Variants in DYNC1H1 observed in about 807,000 individuals in gnomAD.
DYNC1H1 encodes cytoplasmic dynein 1 heavy chain 1.
In DYNC1H1, 51 loss-of-function variants were observed where a neutral mutation model predicts 527.1. That is an observed-to-expected ratio of 0.10 (90% CI 0.08 to 0.12). The LOEUF (loss-of-function observed/expected upper bound fraction) is 0.12, where lower values mean the gene tolerates loss of function less well. DYNC1H1 is among the 10% of genes least tolerant of loss of function. The probability of loss-of-function intolerance (pLI) is 1.00; values close to 1 mark genes in which losing one functional copy is unlikely to be tolerated. For synonymous variants in DYNC1H1, 2,189 were observed against 2,278.8 expected (o/e 0.96, Z 1.12); for missense variants, 2,771 against 5,971.8 (o/e 0.46, Z 17.66).
chr14:101,980,579 G>C (rs1283130519), intron 5 of DYNC1H1, 29 bp downstream of exon 5: 6 of 1,608,634 alleles, frequency 3.7e-6, no homozygotes, highest in Non-Finnish European at 4.3e-6. Context: ...AATCTGATCA[G>C]TAAGTTATTG....
At position 101,964,968 on chromosome 14, in the gene DYNC1H1, G is replaced by C; in HGVS notation, c.256+21G>C. On this transcript the variant is annotated intron_variant, in intron 1 of 77. Coordinates refer to ENST00000360184, the MANE Select transcript of DYNC1H1 (RefSeq NM_001376.5). The surrounding 1 kb of genome is among the most constrained non-coding windows in gnomAD (Gnocchi z 5.5). ...CAAAGGTGCGGGGCCGCGGAGGGCA[G>C]GGTCGCCAGAGCCAGGCCTCGCGGA... is the stretch of plus-strand genomic sequence containing the variant. The C allele has an allele frequency of 6.3e-7, 1 of 1,581,644 alleles. No homozygotes were observed.
chr14:102,020,071 G>A lies in DYNC1H1; in HGVS notation c.8507+15G>A. 1 of 1,613,724 alleles carries A rather than the reference G, an allele frequency of 6.2e-7. No individual in the cohort carries two copies. Among genetic ancestry groups the A allele is most frequent in the Non-Finnish European group, 8.5e-7 (1 of 1,179,850 alleles). The stretch of plus-strand genomic sequence containing the variant: ...TTCCAAGATAGGTAAGGGAAGCCGA[G>A]GATCCAGTTGGTCCCATTCTCCCCT... On this transcript the variant is annotated intron_variant, in intron 42 of 77. Transcript: ENST00000360184. The surrounding 1 kb of genome is among the most constrained non-coding windows in gnomAD (Gnocchi z 4.3).
rs1461315421 is a variant in DYNC1H1 at position 101,965,410 on chromosome 14, C to T, written c.256+463C>T. Among the ~76,000 whole-genome samples the T allele has an allele frequency of 2.6e-5, 4 of 152,180 alleles. No homozygotes were observed. Among genetic ancestry groups the T allele is most frequent in the Non-Finnish European group, 4.4e-5 (3 of 68,024 alleles). On this transcript the variant is annotated intron_variant, in intron 1 of 77. Coordinates refer to ENST00000360184, the MANE Select transcript of DYNC1H1 (RefSeq NM_001376.5). The surrounding 1 kb of genome is among the most constrained non-coding windows in gnomAD (Gnocchi z 4.1). ...TTCGATTTGTGTCCAAGCCAAGTGG[C>T]CTTCGGGAGGGATGTGTCGGGGGCA...
In DYNC1H1 at chr14:102,010,757, C is replaced by A; in HGVS notation, c.6423C>A (p.Val2141=). ...LPEQEILIQS[V]CETMVPKLVA... is the part of the protein sequence containing the mutation. ...CCCCGTAGATTCTGATACAGAGCGT[C>A]TGTGAGACGATGGTGCCAAAGCTGG... is the stretch of plus-strand genomic sequence containing the variant. Residue 2141 remains valine, a synonymous_variant, in exon 32 of 78, where the codon GTC becomes GTA. Coordinates refer to ENST00000360184, the MANE Select transcript of DYNC1H1 (RefSeq NM_001376.5). The surrounding 1 kb of genome is among the most constrained non-coding windows in gnomAD (Gnocchi z 6.0). The A allele has an allele frequency of 1.2e-6, 2 of 1,613,024 alleles. No homozygotes were observed. The highest frequency in any genetic ancestry group is 4.5e-5 in the East Asian group (2 of 44,886).
chr14:101,968,990 A>G (rs2047698407), intron 1 of DYNC1H1, among the ~76,000 whole-genome samples: 1 of 151,948 alleles, frequency 6.6e-6, no homozygotes, highest in Non-Finnish European at 1.5e-5. Flanking sequence ...AAATTGTACT[A>G]TTGGCTTCTG....
intron 23 of DYNC1H1, among the ~76,000 whole-genome samples, chr14:102,003,312 G>T (rs2048152999): frequency 6.6e-6 from 1 of 150,818 alleles, no homozygotes; most frequent in Admixed American, 6.6e-5. Flanking sequence ...GCCCAGGCTG[G>T]AGCACGTGGT....
rs1195175702 is a variant in DYNC1H1 at position 102,049,648 on chromosome 14, T to C, written c.13515+66T>C. 6.2e-7 allele frequency: 1 copy of C among 1,613,242 alleles called. No homozygotes were observed. The highest frequency in any genetic ancestry group is 8.5e-7 in the Non-Finnish European group (1 of 1,179,996). On this transcript the variant is annotated intron_variant, in intron 75 of 77. Transcript: ENST00000360184. This position sits in a 1 kb window ranked among gnomAD's most constrained non-coding sequence, Gnocchi z 5.5. ...TCCTGGGCTGGGGTGGGAGTGGCTCTGGGGAAAAACACAGGGCCCAGGTCT... is the reference window on the plus strand; with the variant it reads ...TCCTGGGCTGGGGTGGGAGTGGCTCCGGGGAAAAACACAGGGCCCAGGTCT...
intron 1 of DYNC1H1, among the ~76,000 whole-genome samples, chr14:101,968,572 AT>A (rs955186816): frequency 4.7e-5 from 7 of 148,064 alleles, no homozygotes; most frequent in African/African-American, 1.5e-4. Flanking sequence ...GAGACTTGGA[AT>A]TTTTTTTTTG....
In DYNC1H1 at chr14:102,042,356, C is replaced by G. The variant is rs2048662282; in HGVS notation, c.12276-28C>G. The stretch of plus-strand genomic sequence containing the variant: ...GCATTCAGGCAGGCAGCCTGGCATG[C>G]TGTGTGACTCTCACTTTGTGTGTGC... On this transcript the variant is annotated intron_variant, in intron 67 of 77. Transcript: ENST00000360184. The surrounding 1 kb of genome is among the most constrained non-coding windows in gnomAD (Gnocchi z 5.7). The G allele has an allele frequency of 6.2e-7, 1 of 1,614,074 alleles. No homozygotes were observed. Among genetic ancestry groups the G allele is most frequent in the African/African-American group, 1.3e-5 (1 of 74,936 alleles).
intron 5 of DYNC1H1, among the ~76,000 whole-genome samples, chr14:101,982,067 C>T (rs2141271471): frequency 6.6e-6 from 1 of 152,332 alleles, no homozygotes; most frequent in East Asian, 1.9e-4. Flanking sequence ...GCATTACTGC[C>T]TGAGCTCTGC....
chr14:101,980,279 G>A (rs2047848295), intron 4 of DYNC1H1, 85 bp from the exon 5 acceptor site: 1 of 1,500,780 alleles, frequency 6.7e-7, no homozygotes, highest in South Asian at 1.1e-5. Context: ...TAAAAATTGA[G>A]TTGTAATGCA....
At chr14:101,969,010 C>G (rs185884258) in intron 1 of DYNC1H1, among the ~76,000 whole-genome samples, 1 of 152,140 alleles carries the variant, frequency 6.6e-6, no homozygotes, top group East Asian at 1.9e-4. Context: ...GCAAGACCTT[C>G]TTTCTTTCTT....
chr14:101,965,366 G>A lies in DYNC1H1; in HGVS notation c.256+419G>A, dbSNP rs897272668. 6.6e-6 allele frequency among the ~76,000 whole-genome samples: 1 copy of A among 152,184 alleles called. No individual in the cohort carries two copies. The highest frequency in any genetic ancestry group is 2.4e-5 in the African/African-American group (1 of 41,474). ...GCGAGGCCGCATCCCTGCCTCCAGT[G>A]TCACATGAGCTTTTCGGTTTCGATT... On this transcript the variant is annotated intron_variant, in intron 1 of 77. Transcript: ENST00000360184. The surrounding 1 kb of genome is among the most constrained non-coding windows in gnomAD (Gnocchi z 4.1).
rs1318022002 is a variant in DYNC1H1 at position 101,979,405 on chromosome 14, C to T, written c.431C>T (p.Ser144Leu). 1.2e-6 allele frequency: 2 copies of T among 1,614,190 alleles called. No individual in the cohort carries two copies. Among genetic ancestry groups the T allele is most frequent in the Non-Finnish European group, 1.7e-6 (2 of 1,180,020 alleles). ...CGGGTCCTTACACTCAGTGAAGACT[C>T]GCCCTACGAAACTTTGCATTCTTTC... The part of the protein sequence containing the change: ...QLRVLTLSED[S>L]PYETLHSFIS... The change falls in exon 3 of 78, where the codon TCG becomes TTG. Residue 144 changes from serine (S) to leucine (L), a missense_variant. This residue lies in a region of DYNC1H1 where 146 missense variants were observed against 288.1 expected (regional missense o/e 0.51). Transcript: ENST00000360184. This position sits in a 1 kb window ranked among gnomAD's most constrained non-coding sequence, Gnocchi z 4.6.
chr14:102,033,981 C>T lies in DYNC1H1; in HGVS notation c.10419C>T (p.Asn3473=), dbSNP rs1172317626. Residue 3473 remains asparagine, a synonymous_variant, in exon 55 of 78, where the codon AAC becomes AAT. Transcript: ENST00000360184. The surrounding 1 kb of genome is among the most constrained non-coding windows in gnomAD (Gnocchi z 5.6). ...ADLAAVEAKV[N]RSTALLKSLS... is the part of the protein sequence containing the mutation. Reference sequence around the variant, plus strand: ...TTGTTCGGTTTTCCTTTTAGGTAAACCGGAGCACTGCTCTTCTGAAGAGCT... The same window carrying T: ...TTGTTCGGTTTTCCTTTTAGGTAAATCGGAGCACTGCTCTTCTGAAGAGCT... The T allele has an allele frequency of 6.2e-7, 1 of 1,613,890 alleles. No homozygotes were observed. Among genetic ancestry groups the T allele is most frequent in the Non-Finnish European group, 8.5e-7 (1 of 1,180,032 alleles).
chr14:102,022,130 TGTAAGTAA>T (rs766213169), intron 42 of DYNC1H1, among the ~76,000 whole-genome samples: 2 of 149,200 alleles, frequency 1.3e-5, no homozygotes, highest in Non-Finnish European at 3.0e-5. Context: ...AGTGAGACTC[TGTAAGTAA>T]GTAAGTAAGT....
intron 29 of DYNC1H1, among the ~76,000 whole-genome samples, chr14:102,009,000 C>G (rs201770281): frequency 1.3e-5 from 2 of 152,160 alleles, no homozygotes; most frequent in East Asian, 1.9e-4. Flanking sequence ...CCCTTGGTGC[C>G]CCCTCTTCAT....
At position 102,033,832 on chromosome 14, in the gene DYNC1H1, A is replaced by C; in HGVS notation, c.10414-144A>C. ...ATTAGTTATATATGATCTGGGTCTC[A>C]TCTCCTCTGGGACTGTGAACAACTT... On this transcript the variant is annotated intron_variant, in intron 54 of 77. Coordinates refer to ENST00000360184, the MANE Select transcript of DYNC1H1 (RefSeq NM_001376.5). This position sits in a 1 kb window ranked among gnomAD's most constrained non-coding sequence, Gnocchi z 5.6. The C allele has an allele frequency of 1.2e-6, 1 of 859,598 alleles. No homozygotes were observed. The highest frequency in any genetic ancestry group is 1.9e-6 in the Non-Finnish European group (1 of 535,394). 53.2% of individuals were successfully genotyped at this position (859,598 alleles called of 1,614,324 possible). A position where few individuals can be genotyped will look rare whatever the true frequency, so the allele number is the denominator to read the frequency against.
intron 1 of DYNC1H1, among the ~76,000 whole-genome samples, chr14:101,967,167 A>C (rs2047678462): frequency 6.6e-6 from 1 of 152,148 alleles, no homozygotes; most frequent in African/African-American, 2.4e-5. Flanking sequence ...ACACTAGGAC[A>C]CCTTAGATAT....
Sources: allele counts gnomAD v4.1 joint callset (sites outside exome capture counted in the v4.1 genomes callset), GRCh38; gene constraint gnomAD v4.1.1; regional missense constraint gnomAD v4.1.1; non-coding constraint Gnocchi (gnomAD v3.1); transcripts MANE v1.5; gene names NCBI Gene and HGNC (gene_info 2026-07-23, HGNC 2026-07-21).